SLC14A2: variants seen among roughly 807,000 people sequenced by gnomAD.
SLC14A2 encodes urea transporter 2.
A neutral mutation model predicts 104.6 loss-of-function variants in SLC14A2; 91 were observed. The ratio of observed to expected loss-of-function variants is 0.87; its 90% CI spans 0.73 to 1.04. The LOEUF (loss-of-function observed/expected upper bound fraction) is 1.04. Ranked by LOEUF, SLC14A2 falls within the 50% of genes least tolerant of loss-of-function variation. SLC14A2 has a pLI of 0.00. For missense variants in SLC14A2, 1,189 were observed against 1,156.0 expected (o/e 1.03, Z -0.41); for synonymous variants, 476 against 466.4 (o/e 1.02, Z -0.27).
intron 1 of SLC14A2, among the ~76,000 whole-genome samples, chr18:45,426,250 T>C (rs1427466061): frequency 2.0e-5 from 3 of 152,160 alleles, no homozygotes; most frequent in Non-Finnish European, 4.4e-5. Flanking sequence ...CGAGTCAAAC[T>C]TTCTGTTCCT....
intron 2 of SLC14A2, among the ~76,000 whole-genome samples, chr18:45,565,211 G>A (rs1040506270): frequency 3.3e-5 from 5 of 150,938 alleles, no homozygotes; most frequent in African/African-American, 7.4e-5. Context: ...TGCAAGCTCC[G>A]CCTCCCGGGT....
chr18:45,384,935 C>G (rs1218568723), intron 1 of SLC14A2, among the ~76,000 whole-genome samples: 1 of 152,158 alleles, frequency 6.6e-6, no homozygotes, highest in Admixed American at 6.5e-5. Flanking sequence ...CATGATGGCA[C>G]CTTCAAGTAA....
chr18:45,498,574 C>T (rs1002456116), intron 2 of SLC14A2, among the ~76,000 whole-genome samples: 6 of 152,186 alleles, frequency 3.9e-5, no homozygotes, highest in African/African-American at 1.4e-4. Context: ...ATCTTCACCT[C>T]TCCCTCCCAT....
intron 1 of SLC14A2, among the ~76,000 whole-genome samples, chr18:45,466,133 C>A (rs1034953735): frequency 2.6e-5 from 4 of 152,100 alleles, no homozygotes; most frequent in Admixed American, 2.0e-4. Flanking sequence ...CAGCCTGATT[C>A]TATGTGCTTA....
At chr18:45,501,721 G>A (rs1409409292) in intron 2 of SLC14A2, among the ~76,000 whole-genome samples, 1 of 152,198 alleles carries the variant, frequency 6.6e-6, no homozygotes, top group African/African-American at 2.4e-5. Context: ...AAGTGACAAG[G>A]GATTCCTGAA....
chr18:45,625,012 A>G (rs1025421126), intron 2 of SLC14A2, among the ~76,000 whole-genome samples, 198 bp downstream of exon 2: 1 of 152,234 alleles, frequency 6.6e-6, no homozygotes, highest in African/African-American at 2.4e-5. Context: ...TTTAAGGACA[A>G]GTACAGAATA....
intron 1 of SLC14A2, among the ~76,000 whole-genome samples, chr18:45,618,098 A>T (rs556898287): frequency 8.1e-4 from 123 of 152,288 alleles, no homozygotes; most frequent in South Asian, 1.2e-3. Context: ...GGTTTCTAGT[A>T]AGCAGGGCTG....
intron 1 of SLC14A2, among the ~76,000 whole-genome samples, chr18:45,442,832 T>C (rs1228937795): frequency 6.6e-6 from 1 of 152,230 alleles, no homozygotes; most frequent in East Asian, 1.9e-4. Context: ...GATTTATCTT[T>C]AACTAAGTCA....
chr18:45,282,699 T>A (rs1882751068), intron 1 of SLC14A2, among the ~76,000 whole-genome samples: 1 of 152,164 alleles, frequency 6.6e-6, no homozygotes, highest in Non-Finnish European at 1.5e-5. Flanking sequence ...AGATGGGATT[T>A]CGAAATACAG....
chr18:45,469,110 G>A (rs1250827497), intron 1 of SLC14A2, among the ~76,000 whole-genome samples: 1 of 152,188 alleles, frequency 6.6e-6, no homozygotes, highest in East Asian at 1.9e-4. Context: ...AAGAAAAGCA[G>A]GAAGAACATG....
At chr18:45,682,285 G>C (rs751881610) in intron 19 of SLC14A2, 34 bp from the exon 20 acceptor site, 1 of 1,604,148 alleles carries the variant, frequency 6.2e-7, no homozygotes, top group South Asian at 1.1e-5. Context: ...GGCACCTGAT[G>C]TGACCAAGGC....
chr18:45,359,707 G>A (rs1466743056), intron 1 of SLC14A2, among the ~76,000 whole-genome samples: 2 of 152,142 alleles, frequency 1.3e-5, no homozygotes, highest in East Asian at 1.9e-4. Flanking sequence ...CTCAAACCAG[G>A]CAGCAGCCTG....
chr18:45,225,345 G>T (rs12150822), intron 1 of SLC14A2, among the ~76,000 whole-genome samples: 2 of 151,916 alleles, frequency 1.3e-5, no homozygotes, highest in African/African-American at 4.8e-5. Context: ...TGTTCCATTG[G>T]TCTATATCTC....
chr18:45,510,645 A>G (rs968055962), intron 2 of SLC14A2, among the ~76,000 whole-genome samples: 3 of 152,180 alleles, frequency 2.0e-5, no homozygotes, highest in African/African-American at 7.2e-5. Context: ...GCATTCAGCC[A>G]TGCTCCCCAT....
chr18:45,419,770 A>G (rs1405441183), intron 1 of SLC14A2, among the ~76,000 whole-genome samples: 6 of 16,974 alleles, frequency 3.5e-4, no homozygotes, highest in African/African-American at 1.3e-3. Context: ...GAAGACTCCA[A>G]CTCAAAAAAA....
rs146320034 is a variant in SLC14A2 at position 45,596,235 on chromosome 18, T to C, written c.-34-28396T>C. Among the ~76,000 whole-genome samples, 386 of 152,266 alleles carry C rather than the reference T, an allele frequency of 2.5e-3. 3 individuals carry two copies. Among genetic ancestry groups the C allele is most frequent in the African/African-American group, 8.8e-3 (364 of 41,548 alleles). On this transcript the variant is annotated intron_variant, in intron 2 of 20. Coordinates refer to the SLC14A2 transcript ENST00000586448. ...GCCTGGCTTGCCAAGTGCTCTAAGT[T>C]TGAAATACTATTGGAAGCAGTGGAA...
chr18:45,396,442 T>A (rs1233952402), intron 1 of SLC14A2, among the ~76,000 whole-genome samples: 1 of 152,180 alleles, frequency 6.6e-6, no homozygotes, highest in Non-Finnish European at 1.5e-5. Context: ...CACCCAACTA[T>A]ACTATCCACA....
At chr18:45,675,635 C>T (rs1202104843) in intron 18 of SLC14A2, among the ~76,000 whole-genome samples, 7 of 149,228 alleles carry the variant, frequency 4.7e-5, no homozygotes, top group Non-Finnish European at 7.4e-5. Context: ...CCACCTCAGC[C>T]TCCTGAGTAG....
intron 2 of SLC14A2, among the ~76,000 whole-genome samples, chr18:45,525,838 T>C (rs1221403674): frequency 1.3e-5 from 2 of 152,216 alleles, no homozygotes; most frequent in Non-Finnish European, 2.9e-5. Flanking sequence ...TTGCAGGAGA[T>C]GTGCTGTTTT....
Sources: allele counts gnomAD v4.1 joint callset (sites outside exome capture counted in the v4.1 genomes callset), GRCh38; gene constraint gnomAD v4.1.1; transcripts MANE v1.5; gene names NCBI Gene and HGNC (gene_info 2026-07-23, HGNC 2026-07-21).